The following IMMP2L variants were observed in gnomAD, a reference collection of about 807,000 sequenced individuals.
The protein encoded by IMMP2L is inner mitochondrial membrane peptidase subunit 2.
In IMMP2L, 18 loss-of-function variants were observed where a neutral mutation model predicts 19.3. The ratio of observed to expected loss-of-function variants is 0.93; its 90% CI spans 0.64 to 1.38. The LOEUF is 1.38. IMMP2L is among the 40% of genes most tolerant of loss of function. The probability of loss-of-function intolerance (pLI) is 0.00; values close to 1 mark genes in which losing one functional copy is unlikely to be tolerated. For missense variants in IMMP2L, 233 were observed against 218.2 expected, an observed-to-expected ratio of 1.07 and a Z score of -0.43; for synonymous variants, 76 against 73.0, an observed-to-expected ratio of 1.04 and a Z score of -0.21.
At chr7:111,356,422 A>G (rs1371827020) in intron 3 of IMMP2L, among the ~76,000 whole-genome samples, 1 of 152,168 alleles carries the variant, frequency 6.6e-6, no homozygotes, top group Non-Finnish European at 1.5e-5. Context: ...GACTTTAAGT[A>G]TAAGAAAGGA....
chr7:111,202,503 C>G (rs1473612908), intron 3 of IMMP2L, among the ~76,000 whole-genome samples: 1 of 152,128 alleles, frequency 6.6e-6, no homozygotes, highest in East Asian at 1.9e-4. Flanking sequence ...GATGAGTGTC[C>G]TCACAGTTAG....
rs1415697782 is a variant in IMMP2L, at chr7:111,391,843, T to C, written c.239+95395A>G. 5.7e-6 allele frequency: 4 copies of C among 702,386 alleles called. No individual in the cohort carries two copies. The Admixed American group carries it at 8.0e-5, about 14-fold the overall frequency. 43.5% of individuals were successfully genotyped at this position (702,386 alleles called of 1,614,324 possible). A position where few individuals can be genotyped will look rare whatever the true frequency, so the allele number is the denominator to read the frequency against. ...ATATGACAACACGACCATACCTCTC[T>C]TTCAGTTGCCTCCACTCTCCAGATG... On this transcript the variant is annotated intron_variant, in intron 3 of 5. Coordinates refer to ENST00000405709, the MANE Select transcript of IMMP2L (RefSeq NM_032549.4).
chr7:111,284,564 A>G (rs1286139250), intron 3 of IMMP2L, among the ~76,000 whole-genome samples: 1 of 152,210 alleles, frequency 6.6e-6, no homozygotes, highest in Non-Finnish European at 1.5e-5. Flanking sequence ...CGTAGTGCTG[A>G]CAATGACTTT....
At chr7:110,679,179 G>A (rs1029106535) in intron 5 of IMMP2L, among the ~76,000 whole-genome samples, 7 of 152,074 alleles carry the variant, frequency 4.6e-5, no homozygotes, top group African/African-American at 1.7e-4. Context: ...GCCTCCGGGG[G>A]TATCTCCAGC....
intron 3 of IMMP2L, among the ~76,000 whole-genome samples, chr7:111,423,298 T>A (rs1313756069): frequency 6.6e-6 from 1 of 151,934 alleles, no homozygotes; most frequent in Non-Finnish European, 1.5e-5. Context: ...TGGTACCAGC[T>A]AATCTTTGTA....
intron 3 of IMMP2L, among the ~76,000 whole-genome samples, chr7:111,006,101 C>G (rs10953672): frequency 0.71 from 107,553 of 151,950 alleles, 38,788 homozygotes; most frequent in African/African-American, 0.81. Context: ...CACATTTTAG[C>G]GTAAATTATG....
At chr7:110,993,727 A>C (rs1347378860) in intron 3 of IMMP2L, among the ~76,000 whole-genome samples, 3 of 152,064 alleles carry the variant, frequency 2.0e-5, no homozygotes, top group Non-Finnish European at 4.4e-5. Context: ...GAATGGTCAA[A>C]AACCAAATAA....
intron 3 of IMMP2L, among the ~76,000 whole-genome samples, chr7:111,087,481 A>G (rs1201729645): frequency 2.0e-5 from 3 of 151,652 alleles, no homozygotes; most frequent in African/African-American, 4.8e-5. Flanking sequence ...ACAACGAAAC[A>G]CTAGAATAGC....
chr7:111,418,886 A>T (rs921962768), intron 3 of IMMP2L, among the ~76,000 whole-genome samples: 2 of 151,850 alleles, frequency 1.3e-5, no homozygotes, highest in Non-Finnish European at 2.9e-5. Flanking sequence ...CACTTATGCA[A>T]ATAGTCCCTA....
chr7:110,947,721 T>C (rs188895379), intron 4 of IMMP2L, among the ~76,000 whole-genome samples: 3 of 152,320 alleles, frequency 2.0e-5, no homozygotes, highest in East Asian at 1.9e-4. Flanking sequence ...TTTTGATGTA[T>C]GTAAAATTGA....
intron 3 of IMMP2L, among the ~76,000 whole-genome samples, chr7:111,419,661 T>G (rs994909994): frequency 1.3e-5 from 2 of 151,888 alleles, no homozygotes; most frequent in Non-Finnish European, 2.9e-5. Flanking sequence ...ATATGTTTAT[T>G]ATGTCTCATG....
chr7:110,808,629 T>C (rs1187203006), intron 5 of IMMP2L, among the ~76,000 whole-genome samples: 1 of 152,094 alleles, frequency 6.6e-6, no homozygotes, highest in South Asian at 2.1e-4. Context: ...TGGTTTTCTT[T>C]ACACCATTTC....
Position 111,071,099 on chromosome 7 carries a change from C to A in IMMP2L, c.240-107534G>T, listed in dbSNP as rs181112415. Among the ~76,000 whole-genome samples, 356 of 151,862 alleles carry A rather than the reference C, an allele frequency of 2.3e-3. 1 individual carries two copies. Among genetic ancestry groups the A allele is most frequent in the Non-Finnish European group, 3.4e-3 (234 of 67,920 alleles). ...TTATTGAAAGAAGATAAATAAATGG[C>A]CAACAAGTACATGAAAAAAATTTTC... On this transcript the variant is annotated intron_variant, in intron 3 of 5. Coordinates refer to ENST00000405709, the MANE Select transcript of IMMP2L (RefSeq NM_032549.4).
rs181720116 is a variant in IMMP2L at position 111,498,713 on chromosome 7, G to A, written c.136-11372C>T. ...TTATATAATATCTGTGAACAAATCT[G>A]TGAAGATAATACCATGGATTTTAGA... On this transcript the variant is annotated intron_variant, in intron 2 of 5. Transcript: ENST00000405709. Among the ~76,000 whole-genome samples the A allele has an allele frequency of 2.6e-5, 4 of 152,212 alleles. No individual in the cohort carries two copies. In the East Asian group the frequency reaches 7.7e-4, roughly 29 times the overall value.
intron 5 of IMMP2L, among the ~76,000 whole-genome samples, chr7:110,668,028 C>T (rs976495039): frequency 2.6e-5 from 4 of 152,026 alleles, no homozygotes; most frequent in Non-Finnish European, 5.9e-5. Flanking sequence ...ATGCTATATT[C>T]TCTTGTGCAC....
intron 3 of IMMP2L, among the ~76,000 whole-genome samples, chr7:111,086,251 CAAAGAAAAAAA>C (rs1183235158): frequency 1.7e-3 from 223 of 129,428 alleles, no homozygotes; most frequent in Non-Finnish European, 2.3e-3. Flanking sequence ...CATCTCTACT[CAAAGAAAAAAA>C]AAAGAAAAAA....
intron 5 of IMMP2L, among the ~76,000 whole-genome samples, chr7:110,821,221 C>G (rs1802998945): frequency 6.6e-6 from 1 of 151,906 alleles, no homozygotes. Context: ...AATAACTTGC[C>G]CAAAATCAAA....
intron 3 of IMMP2L, among the ~76,000 whole-genome samples, chr7:111,019,819 A>G (rs1271254941): frequency 6.6e-6 from 1 of 152,114 alleles, no homozygotes; most frequent in Non-Finnish European, 1.5e-5. Flanking sequence ...TCTTGGAAGT[A>G]AGGGCATAAA....
intron 4 of IMMP2L, among the ~76,000 whole-genome samples, chr7:110,895,992 A>T (rs1249914779): frequency 1.3e-5 from 2 of 151,836 alleles, no homozygotes; most frequent in African/African-American, 2.4e-5. Context: ...CCGCTAATTA[A>T]AAAAAATGTT....
Sources: allele counts gnomAD v4.1 joint callset (sites outside exome capture counted in the v4.1 genomes callset), GRCh38; gene constraint gnomAD v4.1.1; transcripts MANE v1.5; gene names NCBI Gene and HGNC (gene_info 2026-07-23, HGNC 2026-07-21).